Variants in MGAT4C observed in about 807,000 individuals in gnomAD.
MGAT4C encodes the protein alpha-1,3-mannosyl-glycoprotein 4-beta-N-acetylglucosaminyltransferase C.
Under a neutral mutation model 40.1 loss-of-function variants are expected in MGAT4C, and 19 were observed. That is an observed-to-expected ratio of 0.47 (90% CI 0.33 to 0.70). The LOEUF (loss-of-function observed/expected upper bound fraction) is 0.70, where lower values mean the gene tolerates loss of function less well. Among genes scored for constraint, MGAT4C ranks in the 30% least tolerant of loss-of-function variants. The pLI is 0.02. For missense variants in MGAT4C, 491 were observed against 563.2 expected (o/e 0.87, Z 1.30); for synonymous variants, 181 against 187.1 (o/e 0.97, Z 0.27).
intron 2 of MGAT4C, among the ~76,000 whole-genome samples, chr12:86,560,603 G>A (rs7303917): frequency 0.045 from 6,796 of 152,128 alleles, 499 homozygotes; most frequent in African/African-American, 0.15. Context: ...TCATGATAAA[G>A]TTTCTGGGCA....
chr12:86,717,791 G>T (rs1230617781), intron 2 of MGAT4C, among the ~76,000 whole-genome samples: 12 of 152,042 alleles, frequency 7.9e-5, no homozygotes, highest in African/African-American at 2.9e-4. Flanking sequence ...TATATGTATG[G>T]GTAGCATGAA....
At chr12:86,699,990 C>A (rs758301550) in intron 2 of MGAT4C, among the ~76,000 whole-genome samples, 2 of 149,174 alleles carry the variant, frequency 1.3e-5, no homozygotes, top group Non-Finnish European at 3.0e-5. Context: ...TATAATTGGG[C>A]CTATGCAGTT....
intron 2 of MGAT4C, among the ~76,000 whole-genome samples, chr12:86,655,516 C>A (rs1250812325): frequency 6.6e-6 from 1 of 152,024 alleles, no homozygotes; most frequent in East Asian, 1.9e-4. Flanking sequence ...AAATACTATG[C>A]AACACAATTT....
intron 1 of MGAT4C, among the ~76,000 whole-genome samples, chr12:86,224,103 C>T (rs1179022876): frequency 6.6e-6 from 1 of 152,170 alleles, no homozygotes; most frequent in Non-Finnish European, 1.5e-5. Context: ...CACCCACTAA[C>T]ACTACGGATC....
At chr12:86,030,180 A>G (rs1890611998) in intron 2 of MGAT4C, among the ~76,000 whole-genome samples, 1 of 151,800 alleles carries the variant, frequency 6.6e-6, no homozygotes, top group Non-Finnish European at 1.5e-5. Context: ...ATGTAGATAC[A>G]ACTCTTAAGT....
At chr12:86,499,144 T>C (rs1958291166) in intron 2 of MGAT4C, among the ~76,000 whole-genome samples, 1 of 151,968 alleles carries the variant, frequency 6.6e-6, no homozygotes, top group African/African-American at 2.4e-5. Context: ...CAACTGTTTA[T>C]GTTATTAATA....
At chr12:86,534,953 T>C (rs1292240061) in intron 2 of MGAT4C, among the ~76,000 whole-genome samples, 2 of 152,102 alleles carry the variant, frequency 1.3e-5, no homozygotes, top group Admixed American at 1.3e-4. Context: ...CCTTTCTTCT[T>C]ATCTTCAAAA....
chr12:86,251,916 T>C (rs1952300037), intron 1 of MGAT4C, among the ~76,000 whole-genome samples: 1 of 152,090 alleles, frequency 6.6e-6, no homozygotes, highest in Non-Finnish European at 1.5e-5. Flanking sequence ...TAAAAAGTAC[T>C]GTTGTCCATT....
chr12:86,162,776 T>G (rs1269372037), intron 1 of MGAT4C, among the ~76,000 whole-genome samples: 1 of 152,168 alleles, frequency 6.6e-6, no homozygotes, highest in African/African-American at 2.4e-5. Context: ...TAAAATAAAT[T>G]AAATTTGCAT....
intron 1 of MGAT4C, among the ~76,000 whole-genome samples, chr12:86,125,083 T>A (rs774405690): frequency 6.6e-6 from 1 of 152,196 alleles, no homozygotes; most frequent in Non-Finnish European, 1.5e-5. Flanking sequence ...TTGGCCAGAT[T>A]CTGACTAAAC....
chr12:86,343,556 A>G (rs2136185751), intron 3 of MGAT4C, among the ~76,000 whole-genome samples: 1 of 152,322 alleles, frequency 6.6e-6, no homozygotes, highest in East Asian at 1.9e-4. Context: ...AAACAAGGGA[A>G]GCTCAGTATT....
intron 3 of MGAT4C, among the ~76,000 whole-genome samples, chr12:86,405,283 A>C (rs1565737360): frequency 6.6e-6 from 1 of 152,054 alleles, no homozygotes; most frequent in African/African-American, 2.4e-5. Flanking sequence ...CCTAGAACTA[A>C]TAAGTGAGTA....
At chr12:86,640,772 G>A (rs1217763847) in intron 2 of MGAT4C, among the ~76,000 whole-genome samples, 1 of 151,736 alleles carries the variant, frequency 6.6e-6, no homozygotes, top group South Asian at 2.1e-4. Context: ...ACACTGCTTT[G>A]AATGTGTCCC....
At chr12:86,789,148 T>C (rs1951982028) in intron 1 of MGAT4C, among the ~76,000 whole-genome samples, 1 of 152,130 alleles carries the variant, frequency 6.6e-6, no homozygotes, top group African/African-American at 2.4e-5. Context: ...ACTTATATGT[T>C]AGGTATTCAC....
At chr12:86,838,949 T>C (rs1211373324), upstream of MGAT4C, 3 of 152,190 alleles carry the variant, frequency 2.0e-5, no homozygotes, top group Non-Finnish European at 2.9e-5. Context: ...TAAGTTAAAA[T>C]TGTCTCTGCT....
At chr12:86,408,004 T>G (rs1956509344) in intron 3 of MGAT4C, among the ~76,000 whole-genome samples, 1 of 152,096 alleles carries the variant, frequency 6.6e-6, no homozygotes, top group Admixed American at 6.6e-5. Flanking sequence ...CACCCTGCAA[T>G]GCAATTGACT....
At chr12:86,233,389 T>C (rs1268621568) in intron 1 of MGAT4C, among the ~76,000 whole-genome samples, 1 of 152,218 alleles carries the variant, frequency 6.6e-6, no homozygotes, top group Non-Finnish European at 1.5e-5. Flanking sequence ...GACACTTTGA[T>C]GCTAATGACA....
intron 3 of MGAT4C, among the ~76,000 whole-genome samples, chr12:86,362,729 T>C (rs566268956): frequency 2.7e-4 from 41 of 151,754 alleles, no homozygotes; most frequent in African/African-American, 9.9e-4. Flanking sequence ...TAGCCGGGCA[T>C]GGTGGTGGGC....
At chr12:86,552,255 A>T (rs1328740170) in intron 2 of MGAT4C, among the ~76,000 whole-genome samples, 1 of 152,080 alleles carries the variant, frequency 6.6e-6, no homozygotes, top group Non-Finnish European at 1.5e-5. Flanking sequence ...TATTATGTTA[A>T]GTGAAGTTAG....
Sources: gnomAD v4.1 joint callset for allele counts (sites outside exome capture counted in the v4.1 genomes callset) on GRCh38, gnomAD v4.1.1 for gene constraint, MANE v1.5 for transcripts, NCBI Gene and HGNC (gene_info 2026-07-23, HGNC 2026-07-21) for gene names.